Variants in CYP3A7 observed in about 807,000 individuals in gnomAD.
The protein encoded by CYP3A7 is cytochrome P450 3A7.
CYP3A7 carries 45 observed loss-of-function variants against 55.2 expected under a neutral mutation model. The observed-to-expected ratio is 0.82, with a 90% CI of 0.64 to 1.05. The LOEUF (loss-of-function observed/expected upper bound fraction) is 1.05. Among genes scored for constraint, CYP3A7 ranks in the 50% least tolerant of loss-of-function variants. The pLI is 0.00. For missense variants in CYP3A7, 548 were observed against 605.3 expected (o/e 0.91, Z 0.99); for synonymous variants, 180 against 207.4 (o/e 0.87, Z 1.13).
intron 2 of CYP3A7, among the ~76,000 whole-genome samples, chr7:99,724,000 C>T (rs1814311371): frequency 6.6e-6 from 1 of 152,170 alleles, no homozygotes. Context: ...CAAGTACCAC[C>T]TCCCCTGGGT....
intron 2 of CYP3A7, among the ~76,000 whole-genome samples, chr7:99,722,996 A>G (rs879476009): frequency 6.6e-6 from 1 of 151,274 alleles, no homozygotes; most frequent in Non-Finnish European, 1.5e-5. Context: ...ACAGAAAATT[A>G]TGACACTTGC....
chr7:99,715,196 A>G (rs1355024050), intron 7 of CYP3A7, among the ~76,000 whole-genome samples: 5 of 152,240 alleles, frequency 3.3e-5, no homozygotes, highest in Admixed American at 3.3e-4. Context: ...AAGGGCAAAT[A>G]GAAACTGTTT....
At chr7:99,729,296 C>T (rs1433979437) in intron 2 of CYP3A7, among the ~76,000 whole-genome samples, 1 of 152,160 alleles carries the variant, frequency 6.6e-6, no homozygotes, top group Non-Finnish European at 1.5e-5. Context: ...GTACCATCCT[C>T]TGCCCCAAGA....
chr7:99,707,829 G>T lies in CYP3A7; in HGVS notation c.1399C>A (p.Pro467Thr), dbSNP rs377056156. The T allele has an allele frequency of 6.2e-7, 1 of 1,613,752 alleles. No individual in the cohort carries two copies. The highest frequency in any genetic ancestry group is 8.5e-7 in the Non-Finnish European group (1 of 1,179,850). The stretch of plus-strand genomic sequence containing the variant: ...TGACTGACCTGTGTTTCTTTACAAG[G>T]TTTGAAGGAGAAGTTCTGAAGGACT... ...VRVLQNFSFK[P>T]CKETQIPLKL... The change falls in exon 12 of 13, where the codon CCT becomes ACT. Residue 467 changes from proline to threonine, a missense_variant. Pro to Thr is a conservative substitution (Grantham distance 38, BLOSUM62 -1). Coordinates refer to ENST00000336374, the MANE Select transcript of CYP3A7 (RefSeq NM_000765.5).
In CYP3A7 at chr7:99,732,258, C is replaced by A. The variant is rs114608811; in HGVS notation, c.72-1106G>T. The stretch of plus-strand genomic sequence containing the variant: ...CCAGTCATGTAAGATCTGCCTGCTT[C>A]TTTTTCACCTTCTGCCATGATTGTA... On this transcript the variant is annotated intron_variant, in intron 1 of 12. Coordinates refer to ENST00000336374, the MANE Select transcript of CYP3A7 (RefSeq NM_000765.5). Among the ~76,000 whole-genome samples, 1,021 of 152,272 alleles carry A rather than the reference C, an allele frequency of 6.7e-3. 6 individuals are homozygous for A. Among genetic ancestry groups the A allele is most frequent in the African/African-American group, 0.024 (993 of 41,540 alleles).
At chr7:99,716,576 C>T (rs1433601207) in intron 6 of CYP3A7, among the ~76,000 whole-genome samples, 1 of 152,148 alleles carries the variant, frequency 6.6e-6, no homozygotes, top group Non-Finnish European at 1.5e-5. Context: ...CCACATATCC[C>T]CTGTCTGCCC....
chr7:99,726,465 CTT>C (rs914692429), intron 2 of CYP3A7, among the ~76,000 whole-genome samples: 5 of 152,204 alleles, frequency 3.3e-5, no homozygotes, highest in Admixed American at 1.3e-4. Context: ...CCCGTACACT[CTT>C]TTGTTCTCAA....
At chr7:99,722,152 C>A (rs1584517736) in intron 3 of CYP3A7, 144 bp downstream of exon 3, 1 of 1,006,132 alleles carries the variant, frequency 9.9e-7, no homozygotes. Flanking sequence ...TACATATCTT[C>A]TTCTTTCAGA....
Position 99,735,006 on chromosome 7 carries a change from C to T in CYP3A7, c.71+17G>A, listed in dbSNP as rs757024646. The T allele has an allele frequency of 1.9e-6, 3 of 1,613,954 alleles. No homozygotes were observed. The highest frequency in any genetic ancestry group is 2.5e-6 in the Non-Finnish European group (3 of 1,179,914). The stretch of plus-strand genomic sequence containing the variant: ...AGTCCAAGGAAACAGAGAAGAGGAG[C>T]CTGAACAGTTACTCACAGATAGAGG... On this transcript the variant is annotated intron_variant, in intron 1 of 12. Coordinates refer to ENST00000336374, the MANE Select transcript of CYP3A7 (RefSeq NM_000765.5).
intron 7 of CYP3A7, chr7:99,715,497 T>C (rs1813906349): frequency 8.0e-6 from 4 of 500,122 alleles, no homozygotes; most frequent in African/African-American, 5.8e-5. Context: ...TAGGCAAATC[T>C]ATAGATGCAG....
chr7:99,723,564 A>G (rs1249820808), intron 2 of CYP3A7, among the ~76,000 whole-genome samples: 1 of 152,112 alleles, frequency 6.6e-6, no homozygotes, highest in African/African-American at 2.4e-5. Context: ...CTTCACATGG[A>G]CGCAAATGAC....
intron 7 of CYP3A7, chr7:99,715,464 T>C: frequency 2.7e-6 from 1 of 376,478 alleles, no homozygotes; most frequent in South Asian, 2.8e-5. Flanking sequence ...AAAATTAATA[T>C]CATTTCTATG....
chr7:99,734,198 G>A (rs1027316332), intron 1 of CYP3A7, among the ~76,000 whole-genome samples: 7 of 152,254 alleles, frequency 4.6e-5, no homozygotes, highest in Non-Finnish European at 8.8e-5. Flanking sequence ...GAATTAAAAC[G>A]AGGTTTGTAT....
chr7:99,723,698 C>A (rs1814298812), intron 2 of CYP3A7, among the ~76,000 whole-genome samples: 1 of 152,196 alleles, frequency 6.6e-6, no homozygotes, highest in Admixed American at 6.5e-5. Context: ...GGTCATCTCA[C>A]CAATTTTAAA....
At chr7:99,730,824 A>T (rs1814582802) in intron 2 of CYP3A7, 1 of 504,866 alleles carries the variant, frequency 2.0e-6, no homozygotes, top group Admixed American at 3.2e-5. Context: ...TGTGAACATC[A>T]GATTGCTGGA....
intron 6 of CYP3A7, among the ~76,000 whole-genome samples, chr7:99,716,858 C>T (rs1409780914): frequency 1.3e-5 from 2 of 152,212 alleles, no homozygotes; most frequent in African/African-American, 4.8e-5. Context: ...CCATCCCATA[C>T]ACTCCATGCT....
chr7:99,708,996 G>C (rs1299675091), intron 11 of CYP3A7, 39 bp downstream of exon 11: 1 of 1,602,964 alleles, frequency 6.2e-7, no homozygotes, highest in Non-Finnish European at 8.5e-7. Flanking sequence ...CTTGAACCAG[G>C]CTGGTTCAGG....
At chr7:99,713,104 A>G (rs1348701918) in intron 9 of CYP3A7, among the ~76,000 whole-genome samples, 1 of 152,190 alleles carries the variant, frequency 6.6e-6, no homozygotes, top group Non-Finnish European at 1.5e-5. Flanking sequence ...TGCCATTGAA[A>G]GCAATCACAA....
Position 99,705,235 on chromosome 7 carries a change from G to A in CYP3A7, c.*265C>T. On this transcript the variant is annotated 3_prime_UTR_variant, in exon 13 of 13. Transcript: ENST00000336374. ...GGAGGAGTTAATGGTGCTAACTGGG[G>A]GTGGTGGAGATAGTCCTATGAGAAG... The A allele has an allele frequency of 5.3e-6, 2 of 376,550 alleles. No individual in the cohort carries two copies. The highest frequency in any genetic ancestry group is 6.0e-5 in the South Asian group (2 of 33,556). 23.3% of individuals were successfully genotyped at this position (376,550 alleles called of 1,614,324 possible). A position where few individuals can be genotyped will look rare whatever the true frequency, so the allele number is the denominator to read the frequency against.
Sources: gnomAD v4.1 joint callset for allele counts (sites outside exome capture counted in the v4.1 genomes callset) on GRCh38, gnomAD v4.1.1 for gene constraint, MANE v1.5 for transcripts, NCBI Gene and HGNC (gene_info 2026-07-23, HGNC 2026-07-21) for gene names.